YME1L1: variants seen among roughly 807,000 people sequenced by gnomAD.
The protein encoded by YME1L1 is ATP-dependent zinc metalloprotease YME1L1.
YME1L1 carries 39 observed loss-of-function variants against 90.4 expected under a neutral mutation model. The ratio of observed to expected loss-of-function variants is 0.43; its 90% CI spans 0.33 to 0.56. YME1L1 has a LOEUF of 0.56. Ranked by LOEUF, YME1L1 falls within the 20% of genes least tolerant of loss-of-function variation. The probability of loss-of-function intolerance (pLI) is 0.03; values close to 1 mark genes in which losing one functional copy is unlikely to be tolerated. For missense variants in YME1L1, 617 were observed against 868.4 expected (o/e 0.71, Z 3.64); for synonymous variants, 284 against 287.3 (o/e 0.99, Z 0.12).
intron 2 of YME1L1, chr10:27,146,279 T>C (rs1464857720): frequency 6.6e-6 from 1 of 152,204 alleles, no homozygotes; most frequent in East Asian, 1.9e-4. Context: ...GATCCTTCCT[T>C]GAACTCAGAG....
At chr10:27,133,041 A>T (rs971339524) in intron 7 of YME1L1, among the ~76,000 whole-genome samples, 1 of 152,220 alleles carries the variant, frequency 6.6e-6, no homozygotes, top group Admixed American at 6.5e-5. Flanking sequence ...CATTTTTAAC[A>T]AACACTTCAA....
intron 18 of YME1L1, 52 bp from the exon 19 acceptor site, chr10:27,112,172 AC>A: frequency 6.5e-7 from 1 of 1,548,186 alleles, no homozygotes; most frequent in Non-Finnish European, 8.7e-7. Flanking sequence ...GGATGCGAAA[AC>A]CAGTCAATGG....
At chr10:27,142,302 T>C (rs1028011424) in intron 4 of YME1L1, 85 bp downstream of exon 4, 18 of 772,086 alleles carry the variant, frequency 2.3e-5, no homozygotes, top group South Asian at 4.2e-5. Context: ...AATGAATGTT[T>C]AGAATTAATA....
At chr10:27,137,948 GAT>G (rs1432754438) in intron 4 of YME1L1, among the ~76,000 whole-genome samples, 4 of 151,970 alleles carry the variant, frequency 2.6e-5, no homozygotes, top group Admixed American at 1.3e-4. Flanking sequence ...ATTTTAACTT[GAT>G]TAGAGTTTCA....
rs374872997 is a variant in YME1L1 at position 27,134,852 on chromosome 10, C to T, written c.670G>A (p.Ala224Thr). The T allele has an allele frequency of 1.8e-5, 29 of 1,613,952 alleles. No individual in the cohort carries two copies. Among genetic ancestry groups the T allele is most frequent in the Non-Finnish European group, 2.4e-5 (28 of 1,179,916 alleles). The change falls in exon 6 of 19, where the codon GCA becomes ACA. Residue 224 changes from alanine to threonine, a missense_variant. Physicochemically the swap from Ala to Thr is moderately conservative, Grantham distance 58 (BLOSUM62 0). Transcript: ENST00000376016. ...TTACCATTGGTTTTTTGTGTGAGTG[C>T]TTGAGCTTTCAGAAAACCTTCCGCA... ...GFAEGFLKAQ[A>T]LTQKTNDSLR...
intron 3 of YME1L1, among the ~76,000 whole-genome samples, chr10:27,144,385 G>T (rs1443130769): frequency 6.6e-6 from 1 of 152,108 alleles, no homozygotes; most frequent in Non-Finnish European, 1.5e-5. Context: ...CAAAGGAAGG[G>T]TCAAGAATTA....
intron 15 of YME1L1, among the ~76,000 whole-genome samples, chr10:27,116,782 C>T (rs554401334): frequency 6.8e-4 from 104 of 152,112 alleles, no homozygotes; most frequent in African/African-American, 2.3e-3. Flanking sequence ...AGTCTCAGCA[C>T]TTTGGGAGGC....
intron 4 of YME1L1, among the ~76,000 whole-genome samples, chr10:27,136,899 A>C (rs2057034008): frequency 1.3e-5 from 2 of 152,076 alleles, no homozygotes; most frequent in Middle Eastern, 3.4e-3. Context: ...CTGGGATTAT[A>C]GGCGTGAGCC....
intron 12 of YME1L1, among the ~76,000 whole-genome samples, chr10:27,120,998 ATTTAT>A (rs67715751): frequency 0.24 from 36,412 of 151,870 alleles, 4,858 homozygotes; most frequent in East Asian, 0.56. Flanking sequence ...ACTACAGTTA[ATTTAT>A]TTTAAAAACC....
intron 2 of YME1L1, chr10:27,147,349 A>G (rs2057154645): frequency 3.5e-6 from 5 of 1,433,086 alleles, no homozygotes; most frequent in Non-Finnish European, 4.8e-6. Flanking sequence ...TAAAAATGAT[A>G]AAACAAACAA....
chr10:27,134,693 T>C, intron 6 of YME1L1, 138 bp downstream of exon 6: 1 of 881,474 alleles, frequency 1.1e-6, no homozygotes, highest in Non-Finnish European at 1.7e-6. Context: ...TATCGCCATT[T>C]CTACATAGAT....
At chr10:27,146,957 C>A in intron 2 of YME1L1, 1 of 173,920 alleles carries the variant, frequency 5.7e-6, no homozygotes, top group Non-Finnish European at 1.2e-5. Flanking sequence ...TAGTAAAAGA[C>A]AGTTAAAGGC....
chr10:27,147,522 T>A, intron 2 of YME1L1: 1 of 1,607,956 alleles, frequency 6.2e-7, no homozygotes, highest in Non-Finnish European at 8.5e-7. Flanking sequence ...AGAAGGGTTC[T>A]GGACGGATGT....
At chr10:27,128,873 C>A (rs1271553424) in intron 8 of YME1L1, among the ~76,000 whole-genome samples, 1 of 151,954 alleles carries the variant, frequency 6.6e-6, no homozygotes, top group Non-Finnish European at 1.5e-5. Flanking sequence ...CACACTACTG[C>A]ACTTCAGTCT....
chr10:27,137,041 C>T (rs2057036511), intron 4 of YME1L1, among the ~76,000 whole-genome samples: 1 of 148,240 alleles, frequency 6.7e-6, no homozygotes, highest in Non-Finnish European at 1.5e-5. Context: ...AAAAAAAACC[C>T]AACCAAGTAA....
At chr10:27,121,116 A>G (rs1186118637) in intron 12 of YME1L1, among the ~76,000 whole-genome samples, 2 of 152,194 alleles carry the variant, frequency 1.3e-5, no homozygotes, top group Admixed American at 6.5e-5. Flanking sequence ...GGTTTTTAAT[A>G]CATTCAGAAT....
At chr10:27,150,968 C>G (rs1262455089) in intron 1 of YME1L1, among the ~76,000 whole-genome samples, 2 of 140,530 alleles carry the variant, frequency 1.4e-5, no homozygotes, top group East Asian at 4.4e-4. Context: ...CTTTGTCGCC[C>G]AGACTGGAGT....
At chr10:27,144,781 G>A (rs1451465764) in intron 3 of YME1L1, among the ~76,000 whole-genome samples, 1 of 152,166 alleles carries the variant, frequency 6.6e-6, no homozygotes, top group Non-Finnish European at 1.5e-5. Flanking sequence ...CACTTGCAGA[G>A]AACTAGTGAT....
At chr10:27,135,219 T>A (rs2057015452) in intron 5 of YME1L1, among the ~76,000 whole-genome samples, 1 of 152,244 alleles carries the variant, frequency 6.6e-6, no homozygotes, top group Non-Finnish European at 1.5e-5. Context: ...GCACGAACAC[T>A]ACACTGAAAA....
Sources: allele counts gnomAD v4.1 joint callset (sites outside exome capture counted in the v4.1 genomes callset), GRCh38; gene constraint gnomAD v4.1.1; transcripts MANE v1.5; gene names NCBI Gene and HGNC (gene_info 2026-07-23, HGNC 2026-07-21).